UPF1: variants seen among roughly 807,000 people sequenced by gnomAD.
UPF1 encodes UPF1 RNA helicase and ATPase.
A neutral mutation model predicts 129.2 loss-of-function variants in UPF1; 9 were observed. The observed-to-expected ratio is 0.07, with a 90% confidence interval of 0.04 to 0.12. The LOEUF is 0.12. Ranked by LOEUF, UPF1 falls within the 10% of genes least tolerant of loss-of-function variation. The pLI is 1.00. For synonymous variants in UPF1, 649 were observed against 644.9 expected (o/e 1.01, Z -0.10); for missense variants, 788 against 1,525.3 (o/e 0.52, Z 8.05).
At chr19:18,842,901 C>T (rs1309545066) in intron 1 of UPF1, among the ~76,000 whole-genome samples, 5 of 151,746 alleles carry the variant, frequency 3.3e-5, no homozygotes, top group Non-Finnish European at 7.4e-5. Context: ...GCAGGAGAAT[C>T]GCTTGAACCC....
intron 2 of UPF1, among the ~76,000 whole-genome samples, chr19:18,847,122 G>A (rs10419754): frequency 6.6e-6 from 1 of 152,238 alleles, no homozygotes; most frequent in Admixed American, 6.5e-5. Flanking sequence ...ACTCTTTCCT[G>A]CATCTCAGCT....
chr19:18,858,697 C>T (rs540233414), intron 15 of UPF1, among the ~76,000 whole-genome samples: 50 of 152,214 alleles, frequency 3.3e-4, no homozygotes, highest in African/African-American at 1.2e-3. Flanking sequence ...CAGAGGTGGA[C>T]CCCAGGGCCC....
In UPF1 at chr19:18,851,761, C is replaced by T. The variant is rs553200821; in HGVS notation, c.811-374C>T. 1.3e-5 allele frequency among the ~76,000 whole-genome samples: 2 copies of T among 152,362 alleles called. No individual in the cohort carries two copies. Among genetic ancestry groups the T allele is most frequent in the East Asian group, 1.9e-4 (1 of 5,184 alleles). The stretch of plus-strand genomic sequence containing the variant: ...GCCTGCGAGGCGGGTTAGCTGCTCT[C>T]GTTCACAAGCTGGGCATACTTGGAG... On this transcript the variant is annotated intron_variant, in intron 5 of 23. Transcript: ENST00000262803. The surrounding 1 kb of genome is among the most constrained non-coding windows in gnomAD (Gnocchi z 4.2).
At position 18,832,123 on chromosome 19, in the gene UPF1, GA is replaced by G; in HGVS notation, c.-86del. ...GGCGCGCGGGGGCGACAGCGGCAGC[GA>G]CCCGAGGCCTGCGGCCTAGGCCTCA... On this transcript the variant is annotated 5_prime_UTR_variant, in exon 1 of 24. Coordinates refer to ENST00000262803, the MANE Select transcript of UPF1 (RefSeq NM_002911.4). The surrounding 1 kb of genome is among the most constrained non-coding windows in gnomAD (Gnocchi z 5.6). The G allele has an allele frequency of 7.9e-7, 1 of 1,258,818 alleles. No homozygotes were observed. The highest frequency in any genetic ancestry group is 1.6e-5 in the African/African-American group (1 of 62,636). The allele number at this position is 1,258,818 out of a possible 1,614,324, so 78.0% of individuals were successfully genotyped here.
intron 1 of UPF1, among the ~76,000 whole-genome samples, chr19:18,834,632 G>A (rs768878254): frequency 2.2e-4 from 34 of 152,296 alleles, no homozygotes; most frequent in Non-Finnish European, 4.3e-4. Context: ...ATTTGGATTT[G>A]TTTGTGGGGA....
chr19:18,854,831 G>A lies in UPF1; in HGVS notation c.1266-48G>A, dbSNP rs2055698024. ...AGCTCTGCAAACTCAGGATGTCGGA[G>A]AGGCGGCCACAGCTGTGCGTGTCGC... On this transcript the variant is annotated intron_variant, in intron 9 of 23. Coordinates refer to ENST00000262803, the MANE Select transcript of UPF1 (RefSeq NM_002911.4). 6.2e-6 allele frequency: 10 copies of A among 1,609,066 alleles called. No homozygotes were observed. In the East Asian group the frequency reaches 2.2e-4, roughly 36 times the overall value.
At chr19:18,842,137 G>C (rs1317055931) in intron 1 of UPF1, among the ~76,000 whole-genome samples, 1 of 152,138 alleles carries the variant, frequency 6.6e-6, no homozygotes, top group Admixed American at 6.6e-5. Flanking sequence ...CCGCTGTGTC[G>C]GGTGGTGGGA....
intron 17 of UPF1, among the ~76,000 whole-genome samples, chr19:18,861,497 G>A (rs551112139): frequency 1.6e-4 from 24 of 152,320 alleles, no homozygotes; most frequent in Admixed American, 7.8e-4. Flanking sequence ...TCTCTGGGAT[G>A]AGCACGTGTG....
chr19:18,863,707 T>A, intron 19 of UPF1, 95 bp downstream of exon 19: 1 of 1,372,376 alleles, frequency 7.3e-7, no homozygotes, highest in African/African-American at 1.5e-5. Flanking sequence ...GCCCGTGAGC[T>A]GAGGGAGGGC....
intron 1 of UPF1, among the ~76,000 whole-genome samples, chr19:18,844,574 C>T (rs1273916615): frequency 6.6e-6 from 1 of 151,502 alleles, no homozygotes; most frequent in Non-Finnish European, 1.5e-5. Flanking sequence ...CTCAGGTGAT[C>T]CGCCCTGCCG....
Position 18,865,289 on chromosome 19 carries a change from G to A in UPF1, c.2858G>A (p.Gly953Asp), listed in dbSNP as rs1207730484. The A allele has an allele frequency of 1.6e-5, 25 of 1,598,808 alleles. No individual in the cohort carries two copies. Among genetic ancestry groups the A allele is most frequent in the Non-Finnish European group, 2.0e-5 (23 of 1,167,784 alleles). ...PGSVYDRSSQ[G>D]RPSSMYFQTH... ...TGCCGTGTTCCACTGTGATTTGCAG[G>A]CCGGCCTTCCAGCATGTACTTCCAG... Residue 953 changes from glycine to aspartate, a missense_variant and splice_region_variant, in exon 21 of 24, where the codon GGC becomes GAC. This residue lies in a region of UPF1 where 218 missense variants were observed against 318.1 expected (regional missense o/e 0.69). Transcript: ENST00000262803. The surrounding 1 kb of genome is among the most constrained non-coding windows in gnomAD (Gnocchi z 6.1).
At chr19:18,862,840 GA>G (rs59908396) in intron 18 of UPF1, 25 of 145,994 alleles carry the variant, frequency 1.7e-4, no homozygotes, top group African/African-American at 4.0e-4. Flanking sequence ...GTCTCCAAAG[GA>G]AAAAAAAAAA....
intron 18 of UPF1, 149 bp from the exon 19 acceptor site, chr19:18,863,289 T>A: frequency 9.6e-7 from 1 of 1,038,002 alleles, no homozygotes; most frequent in South Asian, 1.6e-5. Flanking sequence ...TTGGGGCCTG[T>A]CCCTGTGGCT....
intron 1 of UPF1, among the ~76,000 whole-genome samples, chr19:18,844,824 T>A (rs1282948314): frequency 1.3e-5 from 2 of 152,246 alleles, no homozygotes; most frequent in African/African-American, 4.8e-5. Flanking sequence ...TCATGATAGT[T>A]CCTAGGGTCA....
At position 18,846,114 on chromosome 19, in the gene UPF1, C is replaced by T; in HGVS notation, c.366C>T (p.Ala122=). 2 of 1,613,998 alleles carry T rather than the reference C, an allele frequency of 1.2e-6. No homozygotes were observed. Among genetic ancestry groups the T allele is most frequent in the Non-Finnish European group, 1.7e-6 (2 of 1,179,986 alleles). The change falls in exon 2 of 24, where the codon GCC becomes GCT. Residue 122 remains alanine (A), a synonymous_variant. Coordinates refer to ENST00000262803, the MANE Select transcript of UPF1 (RefSeq NM_002911.4). ...ACACGAAGGACCTCCCCATACACGC[C>T]TGCAGGTGAGCTGAGCTCAGCTGGG... ...TYYTKDLPIH[A]CSYCGIHDPA...
At chr19:18,860,677 G>C in intron 16 of UPF1, 149 bp from the exon 17 acceptor site, 1 of 1,209,886 alleles carries the variant, frequency 8.3e-7, no homozygotes, top group Non-Finnish European at 1.1e-6. Flanking sequence ...AGACTCCCCT[G>C]GTGAAGGCTG....
At chr19:18,861,281 G>A (rs1302361148) in intron 17 of UPF1, among the ~76,000 whole-genome samples, 1 of 152,246 alleles carries the variant, frequency 6.6e-6, no homozygotes, top group Admixed American at 6.5e-5. Flanking sequence ...AAGGTGGAAC[G>A]GCAGTGGTCT....
intron 18 of UPF1, among the ~76,000 whole-genome samples, 189 bp downstream of exon 18, chr19:18,862,341 C>T (rs2145969186): frequency 6.6e-6 from 1 of 152,266 alleles, no homozygotes; most frequent in African/African-American, 2.4e-5. Flanking sequence ...CCCTGTGCCT[C>T]AGCCCAGCAG....
Position 18,832,586 on chromosome 19 carries a change from C to T in UPF1, c.231+146C>T, listed in dbSNP as rs2055439973. On this transcript the variant is annotated intron_variant, in intron 1 of 23. Transcript: ENST00000262803. The surrounding 1 kb of genome is among the most constrained non-coding windows in gnomAD (Gnocchi z 5.6). ...GGCGATCTGCCCCGGGTCCCCTACT[C>T]TGGCTCGGCCTGAGCTTACCTGCCC... is the stretch of plus-strand genomic sequence containing the variant. The T allele has an allele frequency of 3.7e-6, 2 of 534,804 alleles. No individual in the cohort carries two copies. The highest frequency in any genetic ancestry group is 1.3e-4 in the Admixed American group (2 of 15,780). The allele number at this position is 534,804 out of a possible 1,614,324, so 33.1% of individuals were successfully genotyped here.
Sources: allele counts gnomAD v4.1 joint callset (sites outside exome capture counted in the v4.1 genomes callset), GRCh38; gene constraint gnomAD v4.1.1; regional missense constraint gnomAD v4.1.1; non-coding constraint Gnocchi (gnomAD v3.1); transcripts MANE v1.5; gene names NCBI Gene and HGNC (gene_info 2026-07-23, HGNC 2026-07-21).